NMNAT2: variants seen among roughly 807,000 people sequenced by gnomAD.
NMNAT2 encodes the protein nicotinamide/nicotinic acid mononucleotide adenylyltransferase 2.
NMNAT2 carries 11 observed loss-of-function variants against 41.6 expected under a neutral mutation model. The observed-to-expected ratio is 0.26, with a 90% confidence interval of 0.17 to 0.44. The LOEUF (loss-of-function observed/expected upper bound fraction) is 0.44. NMNAT2 is among the 20% of genes least tolerant of loss of function. The pLI is 1.00. For synonymous variants in NMNAT2, 148 were observed against 151.2 expected (o/e 0.98, Z 0.16); for missense variants, 288 against 407.7 (o/e 0.71, Z 2.53).
intron 1 of NMNAT2, among the ~76,000 whole-genome samples, chr1:183,405,255 C>G (rs1326504996): frequency 6.6e-6 from 1 of 151,884 alleles, no homozygotes; most frequent in Non-Finnish European, 1.5e-5. Context: ...ACCTTCGAAA[C>G]AATAGGATTC....
At chr1:183,318,132 A>T (rs1173584684) in intron 1 of NMNAT2, among the ~76,000 whole-genome samples, 1 of 152,138 alleles carries the variant, frequency 6.6e-6, no homozygotes. Flanking sequence ...CACAGTGGGA[A>T]ATTGGGCTTC....
chr1:183,277,118 C>A (rs555374454), intron 8 of NMNAT2, among the ~76,000 whole-genome samples: 17 of 152,252 alleles, frequency 1.1e-4, no homozygotes, highest in Admixed American at 9.2e-4. Context: ...ACCATTTAAG[C>A]CTTCCAAACC....
intron 1 of NMNAT2, among the ~76,000 whole-genome samples, chr1:183,310,216 G>A (rs1489097741): frequency 2.0e-5 from 3 of 152,182 alleles, no homozygotes; most frequent in Admixed American, 1.3e-4. Flanking sequence ...ATTTCTAATT[G>A]TTCAAAGAAC....
intron 8 of NMNAT2, chr1:183,267,026 G>T: frequency 6.1e-6 from 1 of 164,932 alleles, no homozygotes; most frequent in Non-Finnish European, 1.3e-5. Flanking sequence ...GACGGGGTAG[G>T]GGGCAGAGGA....
At chr1:183,399,203 G>A (rs1648740068) in intron 1 of NMNAT2, among the ~76,000 whole-genome samples, 1 of 152,034 alleles carries the variant, frequency 6.6e-6, no homozygotes, top group South Asian at 2.1e-4. Context: ...GAATCAAACA[G>A]ACGCAATAAA....
chr1:183,380,032 C>A (rs1324310553), intron 1 of NMNAT2, among the ~76,000 whole-genome samples: 1 of 152,222 alleles, frequency 6.6e-6, no homozygotes, highest in Admixed American at 6.5e-5. Context: ...TTATGAGAAA[C>A]AACCTATACA....
intron 8 of NMNAT2, among the ~76,000 whole-genome samples, chr1:183,270,278 G>A (rs982398057): frequency 1.3e-5 from 2 of 152,114 alleles, no homozygotes; most frequent in Non-Finnish European, 2.9e-5. Context: ...GGAGGCTGGG[G>A]TACTCTGTAT....
chr1:183,308,438 G>A (rs115646983), intron 1 of NMNAT2, among the ~76,000 whole-genome samples: 33 of 152,260 alleles, frequency 2.2e-4, no homozygotes, highest in Non-Finnish European at 3.8e-4. Flanking sequence ...CCTTGACCTG[G>A]CACTTCCACC....
intron 1 of NMNAT2, among the ~76,000 whole-genome samples, chr1:183,410,028 G>T (rs568585182): frequency 1.3e-5 from 2 of 152,218 alleles, no homozygotes; most frequent in African/African-American, 4.8e-5. Flanking sequence ...TAAAATCGTG[G>T]CTGGGCATGG....
chr1:183,255,592 T>C (rs1660493889), intron 10 of NMNAT2, among the ~76,000 whole-genome samples: 1 of 152,198 alleles, frequency 6.6e-6, no homozygotes, highest in South Asian at 2.1e-4. Flanking sequence ...CTTCAATTTC[T>C]TTTGTCCATG....
At chr1:183,350,926 T>A (rs1663032301) in intron 1 of NMNAT2, among the ~76,000 whole-genome samples, 1 of 152,140 alleles carries the variant, frequency 6.6e-6, no homozygotes, top group African/African-American at 2.4e-5. Context: ...TCAACATGTA[T>A]TTGAAGGAAA....
chr1:183,276,516 G>T (rs866891809), intron 8 of NMNAT2, among the ~76,000 whole-genome samples: 2 of 152,154 alleles, frequency 1.3e-5, no homozygotes, highest in Non-Finnish European at 2.9e-5. Flanking sequence ...CTGCAGCAAG[G>T]CCCCAAATTG....
chr1:183,327,418 C>A (rs1662492943), intron 1 of NMNAT2, among the ~76,000 whole-genome samples: 1 of 152,298 alleles, frequency 6.6e-6, no homozygotes, highest in East Asian at 1.9e-4. Context: ...TCTCTCAGTT[C>A]ACACAGCGAA....
intron 8 of NMNAT2, among the ~76,000 whole-genome samples, chr1:183,273,570 A>C (rs1420195017): frequency 1.3e-5 from 2 of 152,198 alleles, no homozygotes; most frequent in Admixed American, 1.3e-4. Context: ...TACAATAAGC[A>C]GGGCTCATTC....
At chr1:183,267,865 T>C (rs1257479499) in intron 8 of NMNAT2, among the ~76,000 whole-genome samples, 1 of 152,078 alleles carries the variant, frequency 6.6e-6, no homozygotes, top group African/African-American at 2.4e-5. Context: ...TGGTGGCCAA[T>C]GTGACCCCAC....
Position 183,418,264 on chromosome 1 carries a change from T to C in NMNAT2, c.4A>G (p.Thr2Ala). M[T>A]ETTKTHVILL... ...ATAACGTGGGTCTTGGTGGTCTCGG[T>C]CATGGTGCAGATGGGTCCTTCGCGG... The change falls in exon 1 of 11, where the codon ACC becomes GCC. Residue 2 changes from threonine to alanine, a missense_variant. Around this residue, in one of 3 missense-constraint regions of NMNAT2, gnomAD observed 100 missense variants for 168.5 expected, o/e 0.59. Coordinates refer to ENST00000287713, the MANE Select transcript of NMNAT2 (RefSeq NM_015039.4). 6.2e-7 allele frequency: 1 copy of C among 1,613,918 alleles called. No individual in the cohort carries two copies.
intron 1 of NMNAT2, among the ~76,000 whole-genome samples, chr1:183,355,279 T>C (rs1663159619): frequency 6.6e-6 from 1 of 152,094 alleles, no homozygotes; most frequent in Non-Finnish European, 1.5e-5. Context: ...CCTCTTATTT[T>C]CCCCCCAGGG....
At chr1:183,416,981 T>TC in intron 1 of NMNAT2, among the ~76,000 whole-genome samples, 1 of 152,212 alleles carries the variant, frequency 6.6e-6, no homozygotes, top group South Asian at 2.1e-4. Flanking sequence ...GGTCAGGGCC[T>TC]CCCACACGCT....
intron 1 of NMNAT2, among the ~76,000 whole-genome samples, chr1:183,324,857 A>C (rs1337755139): frequency 6.6e-6 from 1 of 152,122 alleles, no homozygotes; most frequent in Admixed American, 6.5e-5. Flanking sequence ...GCAGGGACTT[A>C]GCCTTTCCTT....
Sources: gnomAD v4.1 joint callset for allele counts (sites outside exome capture counted in the v4.1 genomes callset) on GRCh38, gnomAD v4.1.1 for gene constraint, gnomAD v4.1.1 regional missense constraint, MANE v1.5 for transcripts, NCBI Gene and HGNC (gene_info 2026-07-23, HGNC 2026-07-21) for gene names.